The following ZNF366 variants were observed in gnomAD, a reference collection of about 807,000 sequenced individuals.
ZNF366 encodes dendritic cell-specific transcript protein.
A neutral mutation model predicts 47.2 loss-of-function variants in ZNF366; 20 were observed. The ratio of observed to expected loss-of-function variants is 0.42; its 90% confidence interval spans 0.30 to 0.62. The LOEUF (loss-of-function observed/expected upper bound fraction) is 0.62. ZNF366 is among the 20% of genes least tolerant of loss of function. ZNF366 has a pLI of 0.16. For synonymous variants in ZNF366, 421 were observed against 395.1 expected, an observed-to-expected ratio of 1.07 and a Z score of -0.78; for missense variants, 987 against 976.3, an observed-to-expected ratio of 1.01 and a Z score of -0.15.
intron 3 of ZNF366, among the ~76,000 whole-genome samples, chr5:72,452,977 C>T (rs1041035297): frequency 6.6e-6 from 1 of 152,078 alleles, no homozygotes; most frequent in African/African-American, 2.4e-5. Flanking sequence ...GTCCAAAAGT[C>T]CAGCCAACAG....
intron 1 of ZNF366, among the ~76,000 whole-genome samples, chr5:72,469,933 T>C (rs2112335877): frequency 6.6e-6 from 1 of 152,264 alleles, no homozygotes; most frequent in East Asian, 1.9e-4. Context: ...CCTTCCCAGC[T>C]ACTCAGGACG....
At chr5:72,495,867 A>G (rs956046194) in intron 1 of ZNF366, among the ~76,000 whole-genome samples, 1 of 152,178 alleles carries the variant, frequency 6.6e-6, no homozygotes, top group Non-Finnish European at 1.5e-5. Context: ...ATACAGTTAA[A>G]TGTTTCCTTA....
intron 1 of ZNF366, among the ~76,000 whole-genome samples, chr5:72,503,054 G>A (rs1006562011): frequency 1.3e-5 from 2 of 152,150 alleles, no homozygotes; most frequent in East Asian, 3.9e-4. Context: ...GAACCTGGGA[G>A]GCGGAGGTTG....
chr5:72,444,026 G>C lies in ZNF366; in HGVS notation c.1965C>G (p.Ala655=). The C allele has an allele frequency of 1.2e-6, 2 of 1,614,172 alleles. No homozygotes were observed. ...TGCAGGCTTCCTCCAGCACCTCGGGGGCGTGCTCCGACTTGGTGGACAGAT... is the reference window on the plus strand; with the variant it reads ...TGCAGGCTTCCTCCAGCACCTCGGGCGCGTGCTCCGACTTGGTGGACAGAT... ...PEDLSTKSEH[A]PEVLEEACKE... The change falls in exon 5 of 5, where the codon GCC becomes GCG. Residue 655 remains alanine (A), a synonymous_variant. Transcript: ENST00000318442.
intron 1 of ZNF366, among the ~76,000 whole-genome samples, chr5:72,492,702 C>T (rs1744036333): frequency 6.6e-6 from 1 of 152,192 alleles, no homozygotes; most frequent in Non-Finnish European, 1.5e-5. Context: ...TTTAAGCTAG[C>T]TAAACATTGA....
At position 72,471,678 on chromosome 5, in the gene ZNF366, C is replaced by T. The variant is rs1198255102; in HGVS notation, c.-14-10168G>A. ...CTTTTGCAACTTATACTTCTATACA[C>T]TGTAGATGACTTAGCTATTCAAACA... On this transcript the variant is annotated intron_variant, in intron 1 of 4. Coordinates refer to ENST00000318442, the MANE Select transcript of ZNF366 (RefSeq NM_152625.3). 2.0e-5 allele frequency among the ~76,000 whole-genome samples: 3 copies of T among 152,140 alleles called. No homozygotes were observed. The East Asian group carries it at 5.8e-4, about 29-fold the overall frequency.
At chr5:72,496,835 G>A (rs1744121104) in intron 1 of ZNF366, among the ~76,000 whole-genome samples, 1 of 152,042 alleles carries the variant, frequency 6.6e-6, no homozygotes, top group African/African-American at 2.4e-5. Flanking sequence ...CATTTTACTG[G>A]GTGTGTAGTG....
In ZNF366 at chr5:72,461,174, C is replaced by T. The variant is rs772862953; in HGVS notation, c.323G>A (p.Gly108Asp). The T allele has an allele frequency of 1.1e-4, 176 of 1,613,960 alleles. No individual in the cohort carries two copies. The highest frequency in any genetic ancestry group is 1.4e-4 in the Non-Finnish European group (169 of 1,180,028). ...ALHSEENKNH[G>D]LPNLPLLFPQ... Reference sequence around the variant, plus strand: ...GAACAGCAAAGGGAGGTTGGGAAGGCCGTGGTTTTTGTTCTCCTCTGAGTG... The same window carrying T: ...GAACAGCAAAGGGAGGTTGGGAAGGTCGTGGTTTTTGTTCTCCTCTGAGTG... Residue 108 changes from glycine (G) to aspartate (D), a missense_variant, in exon 2 of 5, where the codon GGC becomes GAC. Gly to Asp is a moderately conservative substitution (Grantham distance 94, BLOSUM62 -1). Transcript: ENST00000318442.
chr5:72,462,072 A>C (rs954955190), intron 1 of ZNF366, among the ~76,000 whole-genome samples: 17 of 152,348 alleles, frequency 1.1e-4, no homozygotes, highest in African/African-American at 3.4e-4. Context: ...TTGCTGCTGG[A>C]AAATGAGGAT....
At chr5:72,449,653 C>A (rs962035028) in intron 3 of ZNF366, among the ~76,000 whole-genome samples, 2 of 152,244 alleles carry the variant, frequency 1.3e-5, no homozygotes, top group South Asian at 4.1e-4. Flanking sequence ...TGGAGTGAAG[C>A]TGCTGTTACA....
chr5:72,481,895 T>C (rs939164386), intron 1 of ZNF366, among the ~76,000 whole-genome samples: 4 of 152,206 alleles, frequency 2.6e-5, no homozygotes, highest in African/African-American at 9.7e-5. Flanking sequence ...ATAGAATGTT[T>C]AGTGCATGGG....
In ZNF366 at chr5:72,484,493, A is replaced by AAT. The variant is rs1554032906; in HGVS notation, c.-15+22757_-15+22758insAT. ...AGCGAGACTCCGTCTCAAAAAAAAAAAAAATAATAATAATAATAATAATTT... is the reference window on the plus strand; with the variant it reads ...AGCGAGACTCCGTCTCAAAAAAAAAAATAAAATAATAATAATAATAATAATTT... On this transcript the variant is annotated intron_variant, in intron 1 of 4. Coordinates refer to ENST00000318442, the MANE Select transcript of ZNF366 (RefSeq NM_152625.3). Among the ~76,000 whole-genome samples the AAT allele has an allele frequency of 5.3e-5, 8 of 149,774 alleles. No individual in the cohort carries two copies. The South Asian group carries it at 1.0e-3, about 20-fold the overall frequency.
chr5:72,456,315 T>A, intron 3 of ZNF366, 89 bp downstream of exon 3: 1 of 1,438,066 alleles, frequency 7.0e-7, no homozygotes, highest in South Asian at 1.4e-5. Context: ...GTAGCCCCAC[T>A]GATGAAACAG....
chr5:72,452,140 G>T (rs1354461062), intron 3 of ZNF366, among the ~76,000 whole-genome samples: 1 of 152,230 alleles, frequency 6.6e-6, no homozygotes, highest in African/African-American at 2.4e-5. Context: ...AGAGAGAAGA[G>T]GTCAGAGAGC....
At chr5:72,501,517 G>A (rs1744209702) in intron 1 of ZNF366, among the ~76,000 whole-genome samples, 1 of 152,176 alleles carries the variant, frequency 6.6e-6, no homozygotes, top group Admixed American at 6.5e-5. Context: ...TCGATCCAGT[G>A]GTTTTGGCCT....
At chr5:72,446,431 A>G (rs1290928431) in intron 4 of ZNF366, among the ~76,000 whole-genome samples, 1 of 152,200 alleles carries the variant, frequency 6.6e-6, no homozygotes, top group East Asian at 1.9e-4. Context: ...CTTTGGACAC[A>G]AGTGCATTTA....
intron 1 of ZNF366, among the ~76,000 whole-genome samples, chr5:72,477,741 C>A (rs1203962783): frequency 6.6e-6 from 1 of 152,066 alleles, no homozygotes; most frequent in African/African-American, 2.4e-5. Flanking sequence ...GGGATCAGAC[C>A]GTAAATATTT....
chr5:72,455,634 T>C (rs1355471958), intron 3 of ZNF366, among the ~76,000 whole-genome samples: 1 of 152,150 alleles, frequency 6.6e-6, no homozygotes, highest in Non-Finnish European at 1.5e-5. Flanking sequence ...AGCCGGAGCA[T>C]TTCTGAGTAA....
intron 1 of ZNF366, among the ~76,000 whole-genome samples, chr5:72,471,883 A>G (rs1022643719): frequency 1.1e-4 from 16 of 152,202 alleles, no homozygotes; most frequent in Admixed American, 5.2e-4. Context: ...ACGGGGTCTC[A>G]CTTTGTTGCC....
Sources: gnomAD v4.1 joint callset for allele counts (sites outside exome capture counted in the v4.1 genomes callset) on GRCh38, gnomAD v4.1.1 for gene constraint, MANE v1.5 for transcripts, NCBI Gene and HGNC (gene_info 2026-07-23, HGNC 2026-07-21) for gene names.